Variants in FRMPD4 observed in about 807,000 individuals in gnomAD.
FRMPD4 encodes the protein FERM and PDZ domain-containing protein 4.
A neutral mutation model predicts 94.1 loss-of-function variants in FRMPD4; 22 were observed. The ratio of observed to expected loss-of-function variants is 0.23; its 90% confidence interval spans 0.17 to 0.33. The LOEUF (loss-of-function observed/expected upper bound fraction) is 0.33. Among genes scored for constraint, FRMPD4 ranks in the 10% least tolerant of loss-of-function variants. The pLI is 1.00. For synonymous variants in FRMPD4, 631 were observed against 548.6 expected (o/e 1.15, Z -2.10); for missense variants, 1,111 against 1,339.9 (o/e 0.83, Z 2.67).
At chrX:12,122,878 T>C (rs776425746) in intron 3 of FRMPD4, among the ~76,000 whole-genome samples, 29 of 111,658 alleles carry the variant, frequency 2.6e-4, no homozygotes, top group African/African-American at 8.8e-4. Context: ...CCTAAAGCAC[T>C]TCATTGCTAT....
chrX:12,652,866 G>C (rs773574768), intron 4 of FRMPD4, among the ~76,000 whole-genome samples: 3 of 111,911 alleles, frequency 2.7e-5, no homozygotes, highest in Non-Finnish European at 5.6e-5. Flanking sequence ...CTGGTACACC[G>C]TCACTTTCAC....
intron 3 of FRMPD4, among the ~76,000 whole-genome samples, chrX:12,124,620 A>G (rs2147540949): frequency 8.9e-6 from 1 of 112,863 alleles, no homozygotes; most frequent in East Asian, 2.8e-4. Flanking sequence ...ACAAGAGCAA[A>G]CTAAATATTT....
At chrX:12,694,487 T>C in intron 9 of FRMPD4, 33 bp downstream of exon 9, 2 of 1,101,979 alleles carry the variant, frequency 1.8e-6, no homozygotes, top group Non-Finnish European at 2.5e-6. Flanking sequence ...TTTATATCAA[T>C]GTTGTGATAT....
chrX:12,696,505 C>T (rs1445302968), intron 9 of FRMPD4, among the ~76,000 whole-genome samples: 1 of 104,368 alleles, frequency 9.6e-6, no homozygotes, highest in Non-Finnish European at 1.9e-5. Flanking sequence ...AGCAGTAGAA[C>T]TAACTACTCG....
chrX:12,338,675 A>C (rs2055562447), intron 1 of FRMPD4, among the ~76,000 whole-genome samples: 1 of 112,818 alleles, frequency 8.9e-6, no homozygotes, highest in African/African-American at 3.2e-5. Context: ...ACAGCTGTCA[A>C]ATACGTACTA....
At chrX:12,455,719 A>G (rs143484725) in intron 1 of FRMPD4, among the ~76,000 whole-genome samples, 2,873 of 112,022 alleles carry the variant, frequency 0.026, 40 homozygotes, top group Middle Eastern at 0.041. Flanking sequence ...TCTAGATTCA[A>G]TCTTAATGCA....
At position 12,068,959 on chromosome X, in the gene FRMPD4, C is replaced by A. The variant is rs1312984433; in HGVS notation, c.95+190941C>A. 3.6e-5 allele frequency among the ~76,000 whole-genome samples: 4 copies of A among 111,964 alleles called. No individual in the cohort carries two copies. In the Admixed American group the frequency reaches 3.8e-4, roughly 11 times the overall value. ...TATACACTGACAATAAACAAATAGACAAATACTAATAAATTTATAGTCTCT... is the reference window on the plus strand; with the variant it reads ...TATACACTGACAATAAACAAATAGAAAAATACTAATAAATTTATAGTCTCT... On this transcript the variant is annotated intron_variant, in intron 3 of 18. Transcript: ENST00000640291.
chrX:11,881,946 T>A (rs1473857325), intron 3 of FRMPD4, among the ~76,000 whole-genome samples: 1 of 111,529 alleles, frequency 9.0e-6, no homozygotes, highest in East Asian at 2.8e-4. Flanking sequence ...CATGCCAGGC[T>A]GGTATGCAAT....
chrX:12,631,277 C>T (rs2059393553), intron 4 of FRMPD4, among the ~76,000 whole-genome samples: 1 of 111,207 alleles, frequency 9.0e-6, no homozygotes, highest in Non-Finnish European at 1.9e-5. Context: ...CCACTGTACT[C>T]AGAATAGAAT....
intron 2 of FRMPD4, among the ~76,000 whole-genome samples, chrX:12,565,904 T>C (rs866821287): frequency 7.1e-5 from 8 of 111,897 alleles, no homozygotes; most frequent in South Asian, 7.4e-4. Flanking sequence ...TAATAAAAAG[T>C]TTACTAAAAT....
intron 1 of FRMPD4, among the ~76,000 whole-genome samples, chrX:12,238,795 ATTAG>A (rs1399334676): frequency 3.6e-5 from 4 of 112,367 alleles, no homozygotes; most frequent in Non-Finnish European, 7.5e-5. Context: ...ATAAATATTT[ATTAG>A]TTAATCCTTT....
chrX:12,138,458 A>C, upstream of FRMPD4: 1 of 133,274 alleles, frequency 7.5e-6, no homozygotes, highest in Non-Finnish European at 1.5e-5. Flanking sequence ...GGCTTGGAGA[A>C]GGAGGCAGGG....
chrX:12,489,640 A>C (rs1449305427), intron 1 of FRMPD4, among the ~76,000 whole-genome samples: 1 of 112,445 alleles, frequency 8.9e-6, no homozygotes, highest in Non-Finnish European at 1.9e-5. Flanking sequence ...GACATGATGC[A>C]TTTGGTGGGT....
intron 3 of FRMPD4, among the ~76,000 whole-genome samples, chrX:12,037,564 A>C (rs1036726535): frequency 7.2e-5 from 8 of 110,822 alleles, no homozygotes; most frequent in African/African-American, 9.9e-5. Flanking sequence ...CATTTTATTT[A>C]TTTATTTTTA....
At chrX:12,007,268 T>C (rs911444627) in intron 3 of FRMPD4, among the ~76,000 whole-genome samples, 3 of 111,590 alleles carry the variant, frequency 2.7e-5, no homozygotes, top group African/African-American at 9.8e-5. Context: ...GAATAAGCCA[T>C]GTTGGAATTG....
intron 1 of FRMPD4, among the ~76,000 whole-genome samples, chrX:12,446,783 G>T (rs1414336760): frequency 1.4e-4 from 16 of 111,727 alleles, no homozygotes; most frequent in Admixed American, 1.1e-3. Flanking sequence ...ACCCAGTCTC[G>T]GGTATGTCTT....
chrX:12,009,520 G>A (rs1427243737), intron 3 of FRMPD4, among the ~76,000 whole-genome samples: 1 of 111,986 alleles, frequency 8.9e-6, no homozygotes, highest in Admixed American at 9.5e-5. Flanking sequence ...TGCTTTTTCC[G>A]GTGTTTCATA....
At chrX:12,592,013 A>G (rs768005358) in intron 2 of FRMPD4, among the ~76,000 whole-genome samples, 16 of 111,673 alleles carry the variant, frequency 1.4e-4, no homozygotes, top group South Asian at 3.9e-4. Flanking sequence ...GACAGGTCGT[A>G]GGAACCAGAA....
intron 3 of FRMPD4, chrX:12,054,929 A>C (rs1381364039): frequency 2.7e-5 from 3 of 111,800 alleles, no homozygotes; most frequent in Non-Finnish European, 1.9e-5. Flanking sequence ...GGCCAGCCAA[A>C]ACATGTCTGA....
Sources: gnomAD v4.1 joint callset for allele counts (sites outside exome capture counted in the v4.1 genomes callset) on GRCh38, gnomAD v4.1.1 for gene constraint, MANE v1.5 for transcripts, NCBI Gene and HGNC (gene_info 2026-07-23, HGNC 2026-07-21) for gene names.